The following NLK variants were observed in gnomAD, a reference collection of about 807,000 sequenced individuals.
NLK encodes serine/threonine-protein kinase NLK.
Under a neutral mutation model 59.0 loss-of-function variants are expected in NLK, and 11 were observed. That is an observed-to-expected ratio of 0.19 (90% CI 0.12 to 0.31). The LOEUF (loss-of-function observed/expected upper bound fraction) is 0.31, where lower values mean the gene tolerates loss of function less well. Among genes scored for constraint, NLK ranks in the 10% least tolerant of loss-of-function variants. The pLI, the probability that NLK is intolerant of heterozygous loss-of-function variation, is 1.00. For synonymous variants in NLK, 235 were observed against 235.9 expected (o/e 1.00, Z 0.03); for missense variants, 410 against 661.1 (o/e 0.62, Z 4.16).
intron 1 of NLK, among the ~76,000 whole-genome samples, chr17:28,110,322 T>G (rs915526079): frequency 6.6e-6 from 1 of 152,128 alleles, no homozygotes; most frequent in African/African-American, 2.4e-5. Context: ...AAATATGGCA[T>G]TCCACTGCCT....
intron 1 of NLK, among the ~76,000 whole-genome samples, chr17:28,049,515 C>G (rs1039681261): frequency 6.6e-6 from 1 of 152,102 alleles, no homozygotes; most frequent in Non-Finnish European, 1.5e-5. Flanking sequence ...CTGCTGTTGT[C>G]TGTATTGTGC....
intron 1 of NLK, among the ~76,000 whole-genome samples, chr17:28,086,606 CTTAACT>C (rs1910525427): frequency 6.6e-6 from 1 of 151,550 alleles, no homozygotes; most frequent in Non-Finnish European, 1.5e-5. Flanking sequence ...TGTTTTTTGC[CTTAACT>C]TTATTTTTTA....
intron 1 of NLK, among the ~76,000 whole-genome samples, chr17:28,102,104 G>A (rs1289405264): frequency 6.6e-6 from 1 of 151,998 alleles, no homozygotes; most frequent in Non-Finnish European, 1.5e-5. Flanking sequence ...TGGAATTTTG[G>A]TTTATTAATC....
chr17:28,110,019 C>T (rs1190644266), intron 1 of NLK, among the ~76,000 whole-genome samples: 3 of 152,212 alleles, frequency 2.0e-5, no homozygotes, highest in Non-Finnish European at 4.4e-5. Context: ...GTCATCTTAA[C>T]ACCATTGAGT....
chr17:28,105,352 G>T (rs1162451436), intron 1 of NLK, among the ~76,000 whole-genome samples: 1 of 152,122 alleles, frequency 6.6e-6, no homozygotes, highest in Non-Finnish European at 1.5e-5. Flanking sequence ...AGAAGAAAAT[G>T]TATCCCTTTT....
intron 3 of NLK, among the ~76,000 whole-genome samples, chr17:28,155,041 A>T (rs1907644661): frequency 6.6e-6 from 1 of 152,236 alleles, no homozygotes; most frequent in Non-Finnish European, 1.5e-5. Context: ...CATCTCAAAA[A>T]ATAAAATAGT....
intron 1 of NLK, among the ~76,000 whole-genome samples, chr17:28,112,404 G>A (rs1415443318): frequency 6.6e-6 from 1 of 152,132 alleles, no homozygotes; most frequent in East Asian, 1.9e-4. Flanking sequence ...AGATGTACTG[G>A]TGCTTGGGTA....
chr17:28,066,705 C>T (rs1298143211), intron 1 of NLK, among the ~76,000 whole-genome samples: 1 of 152,208 alleles, frequency 6.6e-6, no homozygotes, highest in Non-Finnish European at 1.5e-5. Context: ...CCAAAGCAAT[C>T]GCAATTTGCA....
At chr17:28,067,720 G>C (rs1909880021) in intron 1 of NLK, among the ~76,000 whole-genome samples, 1 of 152,002 alleles carries the variant, frequency 6.6e-6, no homozygotes, top group African/African-American at 2.4e-5. Flanking sequence ...TGGGATCTTA[G>C]ATGTTAGAGA....
Position 28,113,143 on chromosome 17 carries a change from C to A in NLK, c.459-9460C>A, listed in dbSNP as rs1905598348. ...CTGGGCAGTTTGCCTTTTTAAAAAACCTTTCTAATTATTTAGTAACACACA... is the reference window on the plus strand; with the variant it reads ...CTGGGCAGTTTGCCTTTTTAAAAAAACTTTCTAATTATTTAGTAACACACA... On this transcript the variant is annotated intron_variant, in intron 1 of 10. Coordinates refer to ENST00000407008, the MANE Select transcript of NLK (RefSeq NM_016231.5). Among the ~76,000 whole-genome samples, 4 of 152,232 alleles carry A rather than the reference C, an allele frequency of 2.6e-5. No homozygotes were observed. The South Asian group carries it at 8.3e-4, about 32-fold the overall frequency.
chr17:28,173,704 T>G (rs992362415), intron 7 of NLK, among the ~76,000 whole-genome samples: 6 of 152,210 alleles, frequency 3.9e-5, no homozygotes, highest in Non-Finnish European at 7.4e-5. Flanking sequence ...GCACAGTAAG[T>G]CTTAACCTAG....
At chr17:28,051,062 A>G (rs1909235166) in intron 1 of NLK, among the ~76,000 whole-genome samples, 1 of 150,776 alleles carries the variant, frequency 6.6e-6, no homozygotes, top group African/African-American at 2.4e-5. Context: ...CCCGGGCGAC[A>G]GAGTCAGAAC....
At chr17:28,081,483 T>G (rs1423724693) in intron 1 of NLK, among the ~76,000 whole-genome samples, 2 of 152,128 alleles carry the variant, frequency 1.3e-5, no homozygotes, top group African/African-American at 2.4e-5. Flanking sequence ...CAACATTAAA[T>G]AAATATTAGA....
chr17:28,083,563 A>C (rs1174859037), intron 1 of NLK, among the ~76,000 whole-genome samples: 9 of 152,212 alleles, frequency 5.9e-5, no homozygotes, highest in Admixed American at 1.3e-4. Context: ...AAGTCACAGC[A>C]GATAGAGACA....
At chr17:28,050,995 C>T (rs2142734776) in intron 1 of NLK, among the ~76,000 whole-genome samples, 1 of 151,500 alleles carries the variant, frequency 6.6e-6, no homozygotes, top group South Asian at 2.1e-4. Context: ...ACCTGTAGTC[C>T]CAGCTACTCA....
rs143309693 is a variant in NLK, at chr17:28,091,520, T to C, written c.459-31083T>C. On this transcript the variant is annotated intron_variant, in intron 1 of 10. Transcript: ENST00000407008. ...ACACACATATATAAAATCATTGATA[T>C]GAAAAAGGTCAATACAGTTCTTATA... is the stretch of plus-strand genomic sequence containing the variant. Among the ~76,000 whole-genome samples, 1,444 of 151,738 alleles carry C rather than the reference T, an allele frequency of 9.5e-3. 16 individuals carry two copies. Among genetic ancestry groups the C allele is most frequent in the Middle Eastern group, 0.031 (9 of 294 alleles).
chr17:28,086,604 G>C (rs1164862316), intron 1 of NLK, among the ~76,000 whole-genome samples: 1 of 151,618 alleles, frequency 6.6e-6, no homozygotes, highest in African/African-American at 2.4e-5. Context: ...TTTGTTTTTT[G>C]CCTTAACTTT....
intron 1 of NLK, among the ~76,000 whole-genome samples, chr17:28,066,078 C>G (rs1048826384): frequency 6.6e-6 from 1 of 152,180 alleles, no homozygotes; most frequent in Non-Finnish European, 1.5e-5. Flanking sequence ...TCTCCAGATC[C>G]TGTTCTCTTC....
chr17:28,072,245 A>T lies in NLK; in HGVS notation c.458+28914A>T, dbSNP rs533586416. Reference sequence around the variant, plus strand: ...GCATACATTTAAATTCAGCTTTTTAATCTAGTCTGACAATCTTTTAAGGGA... The same window carrying T: ...GCATACATTTAAATTCAGCTTTTTATTCTAGTCTGACAATCTTTTAAGGGA... On this transcript the variant is annotated intron_variant, in intron 1 of 10. Transcript: ENST00000407008. Among the ~76,000 whole-genome samples the T allele has an allele frequency of 4.0e-5, 6 of 151,092 alleles. No homozygotes were observed. In the East Asian group the frequency reaches 1.2e-3, roughly 29 times the overall value.
Sources: allele counts gnomAD v4.1 joint callset (sites outside exome capture counted in the v4.1 genomes callset), GRCh38; gene constraint gnomAD v4.1.1; transcripts MANE v1.5; gene names NCBI Gene and HGNC (gene_info 2026-07-23, HGNC 2026-07-21).